CTIF: variants seen among roughly 807,000 people sequenced by gnomAD.
The protein encoded by CTIF is CBP80/20-dependent translation initiation factor.
CTIF carries 21 observed loss-of-function variants against 66.0 expected under a neutral mutation model. The observed-to-expected ratio is 0.32, with a 90% CI of 0.23 to 0.46. The LOEUF (loss-of-function observed/expected upper bound fraction) is 0.46. Ranked by LOEUF, CTIF falls within the 20% of genes least tolerant of loss-of-function variation. The probability of loss-of-function intolerance (pLI) is 1.00; values close to 1 mark genes in which losing one functional copy is unlikely to be tolerated. For synonymous variants in CTIF, 345 were observed against 326.4 expected, an observed-to-expected ratio of 1.06 and a Z score of -0.62; for missense variants, 739 against 812.7, an observed-to-expected ratio of 0.91 and a Z score of 1.10.
At chr18:48,849,723 C>T (rs2069158854) in intron 10 of CTIF, among the ~76,000 whole-genome samples, 1 of 151,494 alleles carries the variant, frequency 6.6e-6, no homozygotes, top group Admixed American at 6.6e-5. Context: ...GTAGCTGGGA[C>T]TACAGGCCCG....
intron 1 of CTIF, chr18:48,540,179 T>C (rs1269612818): frequency 6.6e-6 from 1 of 152,284 alleles, no homozygotes; most frequent in Non-Finnish European, 1.5e-5. Flanking sequence ...TGGCTTTTTT[T>C]ATTATTCCTG....
intron 2 of CTIF, among the ~76,000 whole-genome samples, chr18:48,626,000 C>CTTTTTTTTTTTTTTTTTTTT (rs74174709): frequency 4.6e-5 from 5 of 109,174 alleles, no homozygotes; most frequent in African/African-American, 1.2e-4. Context: ...CTTTTTCTTT[C>CTTTTTTTTTTTTTTTTTTTT]TTTTTTTTTT....
At chr18:48,696,646 G>C (rs2092013379) in intron 6 of CTIF, among the ~76,000 whole-genome samples, 1 of 152,210 alleles carries the variant, frequency 6.6e-6, no homozygotes, top group African/African-American at 2.4e-5. Flanking sequence ...GGCCAGGTGT[G>C]TTTCTATCTG....
chr18:48,553,734 C>T (rs1000485354), intron 1 of CTIF, among the ~76,000 whole-genome samples: 30 of 151,736 alleles, frequency 2.0e-4, no homozygotes, highest in Admixed American at 1.8e-3. Context: ...CAGCTCACTG[C>T]AAGCTCCGCC....
At chr18:48,575,385 A>T (rs575822593) in intron 1 of CTIF, among the ~76,000 whole-genome samples, 1 of 152,238 alleles carries the variant, frequency 6.6e-6, no homozygotes, top group East Asian at 1.9e-4. Flanking sequence ...TTTCCCACAA[A>T]GCTGGCCAGT....
intron 1 of CTIF, among the ~76,000 whole-genome samples, chr18:48,605,916 T>C (rs2090192397): frequency 6.6e-6 from 1 of 152,240 alleles, no homozygotes; most frequent in South Asian, 2.1e-4. Flanking sequence ...ACTTAGATTT[T>C]TCTGGCTGCC....
At chr18:48,748,961 C>G (rs549347141) in intron 7 of CTIF, among the ~76,000 whole-genome samples, 42 of 152,370 alleles carry the variant, frequency 2.8e-4, no homozygotes, top group South Asian at 1.0e-3. Context: ...GGCTGCATCT[C>G]TGCATCTCTG....
At position 48,655,042 on chromosome 18, in the gene CTIF, C is replaced by T. The variant is rs1314171240; in HGVS notation, c.253-8710C>T. Among the ~76,000 whole-genome samples, 3 of 151,966 alleles carry T rather than the reference C, an allele frequency of 2.0e-5. No homozygotes were observed. In the East Asian group the frequency reaches 5.8e-4, roughly 29 times the overall value. On this transcript the variant is annotated intron_variant, in intron 3 of 11. Coordinates refer to ENST00000256413, the MANE Select transcript of CTIF (RefSeq NM_014772.3). ...AACGTAAATGACGAGTTAATGGGTG[C>T]AGCAAACCAACATGGCACATGTATA...
intron 9 of CTIF, among the ~76,000 whole-genome samples, chr18:48,794,799 G>A (rs567190331): frequency 9.2e-5 from 14 of 152,112 alleles, no homozygotes; most frequent in Non-Finnish European, 1.8e-4. Context: ...AGGCAGCCTC[G>A]GATCTTCCTT....
intron 1 of CTIF, among the ~76,000 whole-genome samples, chr18:48,596,659 G>A (rs563407736): frequency 3.6e-4 from 54 of 152,076 alleles, no homozygotes; most frequent in African/African-American, 1.3e-3. Context: ...TTGTATTTTA[G>A]TAGAGATTGG....
chr18:48,604,896 G>A (rs1350591198), intron 1 of CTIF, among the ~76,000 whole-genome samples: 1 of 152,090 alleles, frequency 6.6e-6, no homozygotes, highest in African/African-American at 2.4e-5. Context: ...TCTGTGACTG[G>A]CTTCTTTCAT....
intron 11 of CTIF, among the ~76,000 whole-genome samples, chr18:48,858,429 C>G (rs1287924730): frequency 6.6e-6 from 1 of 151,976 alleles, no homozygotes; most frequent in Non-Finnish European, 1.5e-5. Flanking sequence ...AAAGCCTGGT[C>G]CTTGCCCTCA....
At chr18:48,822,078 C>T (rs2337102) in intron 10 of CTIF, among the ~76,000 whole-genome samples, 106,139 of 152,150 alleles carry the variant, frequency 0.7, 37,393 homozygotes, top group African/African-American at 0.77. Context: ...ATGCAGTATT[C>T]GTTCTTCTGT....
intron 9 of CTIF, among the ~76,000 whole-genome samples, chr18:48,781,480 A>G (rs1911210512): frequency 6.6e-6 from 1 of 152,034 alleles, no homozygotes; most frequent in South Asian, 2.1e-4. Flanking sequence ...AGTGGAGGAA[A>G]CGGGCTGGAG....
At position 48,805,927 on chromosome 18, in the gene CTIF, C is replaced by G. The variant is rs2068137626; in HGVS notation, c.1372-11294C>G. 2.0e-5 allele frequency among the ~76,000 whole-genome samples: 3 copies of G among 152,102 alleles called. No homozygotes were observed. In the South Asian group the frequency reaches 6.2e-4, roughly 32 times the overall value. On this transcript the variant is annotated intron_variant, in intron 9 of 11. Coordinates refer to ENST00000256413, the MANE Select transcript of CTIF (RefSeq NM_014772.3). ...CGTTCATTGAACACCTACAACGAGC[C>G]AAGTCCCATTCCAGGGGACATGAAG...
chr18:48,812,591 A>G (rs1848658269), intron 9 of CTIF, among the ~76,000 whole-genome samples: 1 of 152,070 alleles, frequency 6.6e-6, no homozygotes, highest in Non-Finnish European at 1.5e-5. Context: ...TGTCTCTACA[A>G]AAAAATTTAA....
intron 7 of CTIF, among the ~76,000 whole-genome samples, chr18:48,728,741 A>T (rs969462409): frequency 6.8e-6 from 1 of 146,164 alleles, no homozygotes; most frequent in Non-Finnish European, 1.5e-5. Context: ...GGGGAGAGTG[A>T]GAGAGAGAGA....
At position 48,777,915 on chromosome 18, in the gene CTIF, G is replaced by A. The variant is rs80116980; in HGVS notation, c.1371+16226G>A. Among the ~76,000 whole-genome samples, 1,399 of 152,326 alleles carry A rather than the reference G, an allele frequency of 9.2e-3. 58 individuals are homozygous for A. The highest frequency in any genetic ancestry group is 0.067 in the Admixed American group (1,033 of 15,310). ...AGGCAAAGGGGCTTCCGTGTGGGGT[G>A]TCAGCTCCTTCCACACCTGCCTGGA... On this transcript the variant is annotated intron_variant, in intron 9 of 11. Transcript: ENST00000256413.
intron 6 of CTIF, among the ~76,000 whole-genome samples, chr18:48,701,406 A>G (rs565607873): frequency 6.6e-6 from 1 of 152,306 alleles, no homozygotes; most frequent in South Asian, 2.1e-4. Flanking sequence ...CAGCATGAAC[A>G]CCATGAGCCT....
Sources: allele counts gnomAD v4.1 joint callset (sites outside exome capture counted in the v4.1 genomes callset), GRCh38; gene constraint gnomAD v4.1.1; transcripts MANE v1.5; gene names NCBI Gene and HGNC (gene_info 2026-07-23, HGNC 2026-07-21).